Variants in FAM3C observed in about 807,000 individuals in gnomAD.
FAM3C encodes the protein protein FAM3C.
FAM3C carries 15 observed loss-of-function variants against 32.5 expected under a neutral mutation model. That is an observed-to-expected ratio of 0.46 (90% CI 0.31 to 0.71). FAM3C has a LOEUF of 0.71. FAM3C is among the 30% of genes least tolerant of loss of function. The pLI is 0.05. For synonymous variants in FAM3C, 75 were observed against 86.1 expected (o/e 0.87, Z 0.72); for missense variants, 175 against 274.4 (o/e 0.64, Z 2.56).
chr7:121,366,302 TAATG>T lies in FAM3C; in HGVS notation c.273-2118_273-2115del, dbSNP rs376058041. ...GGAAACAACTCAAATGTCTACCAACTAATGAATGAGTAAACAAAATGTGGTATAT... is the reference window on the plus strand; with the variant it reads ...GGAAACAACTCAAATGTCTACCAACTAATGAGTAAACAAAATGTGGTATAT... On this transcript the variant is annotated intron_variant, in intron 5 of 9. Transcript: ENST00000359943. Among the ~76,000 whole-genome samples, 912 of 152,268 alleles carry T rather than the reference TAATG, an allele frequency of 6.0e-3. 5 individuals are homozygous for T. Among genetic ancestry groups the T allele is most frequent in the Middle Eastern group, 0.024 (7 of 294 alleles).
chr7:121,356,820 C>G (rs563835779), intron 8 of FAM3C, among the ~76,000 whole-genome samples: 1 of 152,212 alleles, frequency 6.6e-6, no homozygotes, highest in East Asian at 1.9e-4. Context: ...TCCTTTATAA[C>G]CAAAGAACAA....
chr7:121,382,453 C>A (rs1021091169), intron 2 of FAM3C, among the ~76,000 whole-genome samples: 1 of 151,756 alleles, frequency 6.6e-6, no homozygotes, highest in Non-Finnish European at 1.5e-5. Context: ...CTTTATAACT[C>A]ATTTTTCTCA....
intron 8 of FAM3C, among the ~76,000 whole-genome samples, chr7:121,352,775 ATCACCTGAACCT>A (rs1373830796): frequency 6.6e-6 from 1 of 152,242 alleles, no homozygotes; most frequent in Non-Finnish European, 1.5e-5. Flanking sequence ...CCCCAAAATT[ATCACCTGAACCT>A]TGTTTTCTTG....
rs1793682954 is a variant in FAM3C at position 121,350,529 on chromosome 7, T to C, written c.616A>G (p.Thr206Ala). The change falls in exon 10 of 10, where the codon ACA becomes GCA. Residue 206 changes from threonine to alanine, a missense_variant. Transcript: ENST00000359943. ...FEQHIKNNKD[T>A]NKYEGWPEVV... ...TCAGGCCATCCTTCATATTTGTTTG[T>C]ATCCTTATTGTTCTTTATGTGCTAT... 6.2e-7 allele frequency: 1 copy of C among 1,613,010 alleles called. No homozygotes were observed. Among genetic ancestry groups the C allele is most frequent in the Non-Finnish European group, 8.5e-7 (1 of 1,179,402 alleles).
Position 121,364,170 on chromosome 7 carries a change from C to T in FAM3C, c.291G>A (p.Lys97=). The T allele has an allele frequency of 1.3e-6, 2 of 1,595,214 alleles. No individual in the cohort carries two copies. The highest frequency in any genetic ancestry group is 1.7e-6 in the Non-Finnish European group (2 of 1,163,318). Residue 97 remains lysine, a synonymous_variant, in exon 6 of 10, where the codon AAG becomes AAA. Transcript: ENST00000359943. ...LEDNVLMSGV[K]NNVGRGINVA... is the part of the protein sequence containing the mutation. ...CATTGATCCCTCTTCCAACATTATT[C>T]TTAACACCACTCATTAAACTGAAGG...
intron 3 of FAM3C, among the ~76,000 whole-genome samples, chr7:121,376,604 A>T (rs1423782215): frequency 6.6e-6 from 1 of 152,176 alleles, no homozygotes; most frequent in East Asian, 1.9e-4. Context: ...TGCTCCAAAG[A>T]GCATTTTCTT....
chr7:121,376,480 T>A (rs374615756), intron 3 of FAM3C, among the ~76,000 whole-genome samples: 1 of 152,200 alleles, frequency 6.6e-6, no homozygotes, highest in Non-Finnish European at 1.5e-5. Context: ...GTATCCCTTA[T>A]CCAAAATGCT....
intron 8 of FAM3C, among the ~76,000 whole-genome samples, chr7:121,352,193 T>TA (rs1387011568): frequency 2.0e-5 from 3 of 152,180 alleles, no homozygotes; most frequent in African/African-American, 4.8e-5. Context: ...GGAAGGTACT[T>TA]ATTCATTCTA....
At chr7:121,353,390 T>C (rs1228497341) in intron 8 of FAM3C, among the ~76,000 whole-genome samples, 1 of 152,210 alleles carries the variant, frequency 6.6e-6, no homozygotes, top group Non-Finnish European at 1.5e-5. Context: ...GAGCTTTATG[T>C]TTTAACTCCA....
intron 8 of FAM3C, among the ~76,000 whole-genome samples, chr7:121,359,157 A>G (rs573902952): frequency 6.6e-6 from 1 of 152,124 alleles, no homozygotes; most frequent in South Asian, 2.1e-4. Flanking sequence ...ATTTTTAAAA[A>G]CATGCACATC....
chr7:121,384,047 A>C (rs1478889219), intron 1 of FAM3C, among the ~76,000 whole-genome samples: 1 of 152,102 alleles, frequency 6.6e-6, no homozygotes, highest in East Asian at 1.9e-4. Context: ...TGAGACATGC[A>C]CTTTTTTTAT....
intron 8 of FAM3C, among the ~76,000 whole-genome samples, chr7:121,355,660 G>C (rs138814963): frequency 2.0e-5 from 3 of 152,166 alleles, no homozygotes; most frequent in African/African-American, 7.2e-5. Context: ...GATAGTCTCA[G>C]AAAATAACCT....
chr7:121,384,725 T>C (rs1794433271), intron 1 of FAM3C, among the ~76,000 whole-genome samples: 1 of 152,182 alleles, frequency 6.6e-6, no homozygotes, highest in East Asian at 1.9e-4. Flanking sequence ...CTGTTTTCCA[T>C]TAAAATGTCT....
At chr7:121,354,113 A>C (rs1245900891) in intron 8 of FAM3C, among the ~76,000 whole-genome samples, 2 of 152,174 alleles carry the variant, frequency 1.3e-5, no homozygotes, top group African/African-American at 4.8e-5. Flanking sequence ...TATATTTCAA[A>C]AGTTTAAAAT....
At chr7:121,371,159 A>T in intron 5 of FAM3C, 141 bp downstream of exon 5, 11 of 1,050,214 alleles carry the variant, frequency 1.0e-5, no homozygotes, top group Non-Finnish European at 1.5e-5. Flanking sequence ...ATTCATGAGA[A>T]AAAAACTACA....
At chr7:121,352,205 A>AGAG (rs1793720483) in intron 8 of FAM3C, among the ~76,000 whole-genome samples, 1 of 152,210 alleles carries the variant, frequency 6.6e-6, no homozygotes. Context: ...TTCATTCTAC[A>AGAG]GTGTTCTTTC....
intron 3 of FAM3C, 34 bp from the exon 4 acceptor site, chr7:121,372,173 T>G (rs934678460): frequency 9.3e-6 from 14 of 1,503,052 alleles, no homozygotes; most frequent in Non-Finnish European, 1.3e-5. Context: ...TTAGAAGGAA[T>G]GAGTCTATTG....
chr7:121,362,791 G>T, intron 7 of FAM3C, 106 bp downstream of exon 7: 1 of 696,248 alleles, frequency 1.4e-6, no homozygotes, highest in South Asian at 1.8e-5. Flanking sequence ...GAAACAAAAT[G>T]AACTAACGCA....
chr7:121,354,503 T>C (rs969876130), intron 8 of FAM3C, among the ~76,000 whole-genome samples: 1 of 152,188 alleles, frequency 6.6e-6, no homozygotes, highest in African/African-American at 2.4e-5. Context: ...AATCTGTGGG[T>C]TCTGCCTCAA....
Sources: allele counts gnomAD v4.1 joint callset (sites outside exome capture counted in the v4.1 genomes callset), GRCh38; gene constraint gnomAD v4.1.1; transcripts MANE v1.5; gene names NCBI Gene and HGNC (gene_info 2026-07-23, HGNC 2026-07-21).